Variants in MTHFD2L observed in about 807,000 individuals in gnomAD.
MTHFD2L encodes the protein methylenetetrahydrofolate dehydrogenase (NADP+ dependent) 2 like.
Under a neutral mutation model 34.9 loss-of-function variants are expected in MTHFD2L, and 29 were observed. That is an observed-to-expected ratio of 0.83 (90% CI 0.62 to 1.13). The LOEUF is 1.13. Ranked by LOEUF, MTHFD2L falls within the 50% of genes most tolerant of loss-of-function variation. MTHFD2L has a pLI of 0.00. For synonymous variants in MTHFD2L, 167 were observed against 155.7 expected, an observed-to-expected ratio of 1.07 and a Z score of -0.54; for missense variants, 481 against 446.5, an observed-to-expected ratio of 1.08 and a Z score of -0.70.
At chr4:74,157,281 T>C (rs1724358801), upstream of MTHFD2L, 1 of 210,998 alleles carries the variant, frequency 4.7e-6, no homozygotes, top group African/African-American at 2.4e-5. Context: ...AGTGCAGCTA[T>C]GAAAGACGTT....
intron 6 of MTHFD2L, among the ~76,000 whole-genome samples, chr4:74,248,774 C>T (rs1416016575): frequency 1.3e-5 from 2 of 151,784 alleles, no homozygotes; most frequent in East Asian, 3.9e-4. Flanking sequence ...GTTCAGTTTC[C>T]ATGTAGTTGA....
intron 7 of MTHFD2L, among the ~76,000 whole-genome samples, chr4:74,297,928 C>A (rs1399430189): frequency 6.6e-6 from 1 of 152,074 alleles, no homozygotes; most frequent in East Asian, 1.9e-4. Context: ...AATAGCTCCC[C>A]ACCTTTCTTG....
intron 3 of MTHFD2L, among the ~76,000 whole-genome samples, chr4:74,192,648 G>A (rs1054684329): frequency 2.2e-4 from 33 of 152,008 alleles, no homozygotes; most frequent in African/African-American, 5.5e-4. Flanking sequence ...CCAGACAGTC[G>A]CTATCTCTTT....
intron 6 of MTHFD2L, among the ~76,000 whole-genome samples, chr4:74,276,916 A>G (rs553193224): frequency 1.3e-5 from 2 of 152,234 alleles, no homozygotes; most frequent in Admixed American, 1.3e-4. Context: ...TTACTTGGGG[A>G]AAGAAAGAGG....
At chr4:74,125,773 A>G (rs950058141) in intron 1 of MTHFD2L, among the ~76,000 whole-genome samples, 2 of 152,210 alleles carry the variant, frequency 1.3e-5, no homozygotes, top group Non-Finnish European at 2.9e-5. Context: ...AAACAAAAGC[A>G]TAACAAAATT....
intron 1 of MTHFD2L, among the ~76,000 whole-genome samples, chr4:74,159,850 A>G (rs767303234): frequency 6.6e-6 from 1 of 152,208 alleles, no homozygotes; most frequent in Non-Finnish European, 1.5e-5. Context: ...AAAAAGTAAT[A>G]TATTTTGATA....
chr4:74,217,618 G>T (rs1457132513), intron 5 of MTHFD2L, among the ~76,000 whole-genome samples: 2 of 151,730 alleles, frequency 1.3e-5, no homozygotes, highest in African/African-American at 4.9e-5. Flanking sequence ...TGAGGTTCTA[G>T]CTCAGATTGG....
At chr4:74,263,232 C>A (rs1360128638) in intron 6 of MTHFD2L, among the ~76,000 whole-genome samples, 2 of 151,774 alleles carry the variant, frequency 1.3e-5, no homozygotes, top group African/African-American at 2.4e-5. Context: ...GTTAATGTAA[C>A]CCTGTAAATA....
intron 1 of MTHFD2L, among the ~76,000 whole-genome samples, chr4:74,137,319 C>T (rs1477890084): frequency 6.6e-6 from 1 of 152,052 alleles, no homozygotes; most frequent in Admixed American, 6.6e-5. Flanking sequence ...TGAATAGACA[C>T]CTCTCAAAAG....
At chr4:74,248,355 T>C (rs1271836368) in intron 6 of MTHFD2L, among the ~76,000 whole-genome samples, 1 of 152,238 alleles carries the variant, frequency 6.6e-6, no homozygotes, top group Non-Finnish European at 1.5e-5. Context: ...ATTGCGTCTA[T>C]TTGATTCTTC....
intron 1 of MTHFD2L, among the ~76,000 whole-genome samples, chr4:74,130,326 C>A (rs184503739): frequency 6.6e-6 from 1 of 152,024 alleles, no homozygotes; most frequent in Non-Finnish European, 1.5e-5. Flanking sequence ...AACATTGATG[C>A]GAAAATCCTC....
chr4:74,286,338 A>G (rs564321420), intron 7 of MTHFD2L, among the ~76,000 whole-genome samples: 45 of 152,292 alleles, frequency 3.0e-4, no homozygotes, highest in Non-Finnish European at 6.0e-4. Flanking sequence ...TATGTTTGCT[A>G]TATAGATTAT....
rs534583494 is a variant in MTHFD2L, at chr4:74,298,436, C to T, written c.932-3261C>T. On this transcript the variant is annotated intron_variant, in intron 7 of 7. Transcript: ENST00000325278. ...TGCAGACACTGAGCTAAAAAATTTC[C>T]GGCGGATATTATTTCATGTAGTATC... 6.6e-5 allele frequency among the ~76,000 whole-genome samples: 10 copies of T among 152,054 alleles called. No homozygotes were observed. In the South Asian group the frequency reaches 8.3e-4, roughly 13 times the overall value.
intron 7 of MTHFD2L, among the ~76,000 whole-genome samples, chr4:74,294,068 C>T (rs183712125): frequency 2.6e-5 from 4 of 152,008 alleles, no homozygotes; most frequent in Non-Finnish European, 5.9e-5. Context: ...CTGACATGGG[C>T]CATAGAGTAC....
intron 6 of MTHFD2L, among the ~76,000 whole-genome samples, chr4:74,233,766 T>G (rs999997164): frequency 6.6e-6 from 1 of 152,062 alleles, no homozygotes; most frequent in South Asian, 2.1e-4. Context: ...AAGTTTTATT[T>G]TTTTTTCTTC....
intron 5 of MTHFD2L, among the ~76,000 whole-genome samples, chr4:74,204,174 A>G (rs992588286): frequency 1.3e-5 from 2 of 152,156 alleles, no homozygotes; most frequent in African/African-American, 4.8e-5. Flanking sequence ...GGCCCCCTCC[A>G]TTACCAAGCC....
intron 4 of MTHFD2L, among the ~76,000 whole-genome samples, chr4:74,200,785 T>C (rs1457168049): frequency 6.6e-6 from 1 of 152,184 alleles, no homozygotes; most frequent in African/African-American, 2.4e-5. Context: ...TCTACAGGCT[T>C]TATTTTTTTA....
intron 1 of MTHFD2L, among the ~76,000 whole-genome samples, chr4:74,137,827 C>G (rs1164913386): frequency 6.6e-6 from 1 of 151,928 alleles, no homozygotes; most frequent in Admixed American, 6.6e-5. Flanking sequence ...AACTTGAGAT[C>G]ACTATGTTAA....
At chr4:74,265,592 T>A (rs1022856062) in intron 6 of MTHFD2L, among the ~76,000 whole-genome samples, 2 of 152,196 alleles carry the variant, frequency 1.3e-5, no homozygotes, top group Non-Finnish European at 2.9e-5. Flanking sequence ...CAGGATTACA[T>A]GGACACTTGT....
Sources: allele counts gnomAD v4.1 joint callset (sites outside exome capture counted in the v4.1 genomes callset), GRCh38; gene constraint gnomAD v4.1.1; transcripts MANE v1.5; gene names NCBI Gene and HGNC (gene_info 2026-07-23, HGNC 2026-07-21).